The following ANO5 variants were observed in gnomAD, a reference collection of about 807,000 sequenced individuals.
ANO5 encodes anoctamin 5.
Under a neutral mutation model 121.0 loss-of-function variants are expected in ANO5, and 109 were observed. That is an observed-to-expected ratio of 0.90 (90% CI 0.77 to 1.06). ANO5 has a LOEUF of 1.06. ANO5 is among the 50% of genes least tolerant of loss of function. ANO5 has a pLI of 0.00. For synonymous variants in ANO5, 406 were observed against 359.9 expected (o/e 1.13, Z -1.45); for missense variants, 1,064 against 1,078.5 (o/e 0.99, Z 0.19).
At chr11:22,251,646 A>G (rs962312583) in intron 12 of ANO5, among the ~76,000 whole-genome samples, 2 of 152,148 alleles carry the variant, frequency 1.3e-5, no homozygotes, top group African/African-American at 4.8e-5. Context: ...AAAATATATC[A>G]CAAAACTTGG....
In ANO5 at chr11:22,232,931, T is replaced by G. The variant is rs79276634; in HGVS notation, c.649-3232T>G. On this transcript the variant is annotated intron_variant, in intron 7 of 21. Coordinates refer to ENST00000324559, the MANE Select transcript of ANO5 (RefSeq NM_213599.3). The stretch of plus-strand genomic sequence containing the variant: ...AACAGGGACAGTTAAAGGAATCATT[T>G]CACATTCTAGAAAACTGTTTATTAC... Among the ~76,000 whole-genome samples, 257 of 152,142 alleles carry G rather than the reference T, an allele frequency of 1.7e-3. 3 individuals carry two copies. The highest frequency in any genetic ancestry group is 6.1e-3 in the African/African-American group (252 of 41,530).
At chr11:22,241,551 C>T (rs1338875784) in intron 9 of ANO5, among the ~76,000 whole-genome samples, 1 of 152,044 alleles carries the variant, frequency 6.6e-6, no homozygotes, top group Non-Finnish European at 1.5e-5. Flanking sequence ...ATCTCACCAC[C>T]ATCTGATATT....
chr11:22,273,466 T>A (rs557445804), intron 19 of ANO5, among the ~76,000 whole-genome samples: 1 of 152,226 alleles, frequency 6.6e-6, no homozygotes, highest in East Asian at 1.9e-4. Context: ...AATCTAACAC[T>A]TTTAAGTAGG....
At chr11:22,216,589 C>T (rs548012268) in intron 3 of ANO5, among the ~76,000 whole-genome samples, 3 of 151,862 alleles carry the variant, frequency 2.0e-5, no homozygotes, top group African/African-American at 4.8e-5. Flanking sequence ...ATTCTGGATG[C>T]GAGACCATTG....
At chr11:22,193,005 T>C (rs550959032), upstream of ANO5, 3 of 985,134 alleles carry the variant, frequency 3.0e-6, no homozygotes, top group African/African-American at 3.5e-5. Flanking sequence ...CCGGCCGGTC[T>C]TGCGGTCTGG....
At chr11:22,211,514 A>G (rs1355358535) in intron 3 of ANO5, among the ~76,000 whole-genome samples, 200 bp downstream of exon 3, 1 of 151,962 alleles carries the variant, frequency 6.6e-6, no homozygotes, top group Non-Finnish European at 1.5e-5. Flanking sequence ...AGTGAGAATG[A>G]CGCACTGAGT....
intron 3 of ANO5, among the ~76,000 whole-genome samples, chr11:22,215,951 C>G (rs919674956): frequency 2.0e-5 from 3 of 151,824 alleles, no homozygotes; most frequent in African/African-American, 7.2e-5. Context: ...TTCTAAGACT[C>G]ATGCAAAACT....
In ANO5 at chr11:22,272,654, C is replaced by G. The variant is rs534994727; in HGVS notation, c.2030-130C>G. On this transcript the variant is annotated intron_variant, in intron 18 of 21. Coordinates refer to ENST00000324559, the MANE Select transcript of ANO5 (RefSeq NM_213599.3). ...TGTGGTAGAGGAGGAACTGGACAGA[C>G]GGATGGAAGCCTGGATTGTCGTATT... The G allele has an allele frequency of 9.2e-5, 78 of 846,812 alleles. 1 individual carries two copies. Among genetic ancestry groups the G allele is most frequent in the Admixed American group, 9.0e-4 (44 of 48,684 alleles). The allele number at this position is 846,812 out of a possible 1,614,324, so 52.5% of individuals were successfully genotyped here.
intron 3 of ANO5, among the ~76,000 whole-genome samples, chr11:22,214,696 A>G (rs116942159): frequency 1.3e-5 from 2 of 152,070 alleles, no homozygotes; most frequent in East Asian, 3.9e-4. Flanking sequence ...AACACTATCT[A>G]TTCTTTCCAA....
chr11:22,211,689 T>G lies in ANO5; in HGVS notation c.138+375T>G, dbSNP rs187630081. Among the ~76,000 whole-genome samples the G allele has an allele frequency of 1.4e-4, 22 of 152,048 alleles. No homozygotes were observed. In the East Asian group the frequency reaches 4.3e-3, roughly 30 times the overall value. ...TATTCTTTCTCCACTGCATCACTCT[T>G]CTTGTCTTTAAGTACATGCCTGAGG... On this transcript the variant is annotated intron_variant, in intron 3 of 21. Transcript: ENST00000324559.
intron 5 of ANO5, among the ~76,000 whole-genome samples, chr11:22,222,568 C>T (rs1023777834): frequency 2.6e-5 from 4 of 151,896 alleles, no homozygotes; most frequent in Admixed American, 6.6e-5. Flanking sequence ...AAGATGCAAT[C>T]GTCTTACTGC....
chr11:22,276,257 C>A (rs1307250833), intron 21 of ANO5, 58 bp downstream of exon 21: 2 of 1,345,728 alleles, frequency 1.5e-6, no homozygotes, highest in Non-Finnish European at 2.1e-6. Context: ...GCAGATATTT[C>A]TAAAGGTAAC....
chr11:22,245,438 A>G (rs542171284), intron 9 of ANO5, among the ~76,000 whole-genome samples: 1 of 152,140 alleles, frequency 6.6e-6, no homozygotes, highest in Admixed American at 6.5e-5. Context: ...GAGTTCAATC[A>G]ATTTTTGTTT....
At chr11:22,250,913 A>G in intron 11 of ANO5, 38 bp from the exon 12 acceptor site, 1 of 1,608,920 alleles carries the variant, frequency 6.2e-7, no homozygotes, top group Non-Finnish European at 8.5e-7. Context: ...ATTTAGTACT[A>G]AATTATCTTT....
At chr11:22,273,287 A>AATTG (rs1854697393) in intron 19 of ANO5, among the ~76,000 whole-genome samples, 1 of 152,172 alleles carries the variant, frequency 6.6e-6, no homozygotes, top group Non-Finnish European at 1.5e-5. Context: ...AACAATTAAA[A>AATTG]ATTGATTATA....
At chr11:22,262,713 T>G in intron 16 of ANO5, among the ~76,000 whole-genome samples, 1 of 152,182 alleles carries the variant, frequency 6.6e-6, no homozygotes, top group Non-Finnish European at 1.5e-5. Flanking sequence ...CAGAATTTTC[T>G]AAGAATGAGA....
chr11:22,196,055 C>T (rs1851800960), intron 1 of ANO5, among the ~76,000 whole-genome samples: 1 of 152,096 alleles, frequency 6.6e-6, no homozygotes, highest in Non-Finnish European at 1.5e-5. Context: ...GTTTTACTGC[C>T]CATTATTGAG....
chr11:22,276,419 G>A (rs1048323294), intron 21 of ANO5, among the ~76,000 whole-genome samples: 2 of 151,720 alleles, frequency 1.3e-5, no homozygotes, highest in Non-Finnish European at 3.0e-5. Flanking sequence ...GACAGAAAAG[G>A]AAAGGAAAAC....
rs894296817 is a variant in ANO5 at position 22,216,644 on chromosome 11, C to T, written c.139-1602C>T. On this transcript the variant is annotated intron_variant, in intron 3 of 21. Coordinates refer to ENST00000324559, the MANE Select transcript of ANO5 (RefSeq NM_213599.3). ...ACATTTTCTTCCAGTTTGTTGCTTG[C>T]CTTTTCGTTTACATAGTGTTTTTAG... Among the ~76,000 whole-genome samples the T allele has an allele frequency of 5.3e-5, 8 of 151,938 alleles. No homozygotes were observed. The East Asian group carries it at 1.5e-3, about 29-fold the overall frequency.
Sources: gnomAD v4.1 joint callset for allele counts (sites outside exome capture counted in the v4.1 genomes callset) on GRCh38, gnomAD v4.1.1 for gene constraint, MANE v1.5 for transcripts, NCBI Gene and HGNC (gene_info 2026-07-23, HGNC 2026-07-21) for gene names.